The following RASSF3 variants were observed in gnomAD, a reference collection of about 807,000 sequenced individuals.
RASSF3 encodes the protein Ras association domain family member 3.
A neutral mutation model predicts 19.9 loss-of-function variants in RASSF3; 19 were observed. That is an observed-to-expected ratio of 0.96 (90% CI 0.67 to 1.40). RASSF3 has a LOEUF of 1.40. RASSF3 is among the 40% of genes most tolerant of loss of function. The probability of loss-of-function intolerance (pLI) is 0.00; values close to 1 mark genes in which losing one functional copy is unlikely to be tolerated. For missense variants in RASSF3, 306 were observed against 289.8 expected (o/e 1.06, Z -0.41); for synonymous variants, 110 against 104.2 (o/e 1.06, Z -0.34).
At chr12:64,597,465 T>G (rs1376570749) in intron 2 of RASSF3, among the ~76,000 whole-genome samples, 3 of 151,718 alleles carry the variant, frequency 2.0e-5, no homozygotes, top group Admixed American at 6.6e-5. Context: ...TTTATTTTTA[T>G]TTTTATTTTG....
At chr12:64,519,326 G>A (rs933158360) in intron 1 of RASSF3, among the ~76,000 whole-genome samples, 18 of 152,172 alleles carry the variant, frequency 1.2e-4, no homozygotes, top group African/African-American at 4.1e-4. Flanking sequence ...AGAATCTCTT[G>A]AGCACGGTGA....
intron 1 of RASSF3, among the ~76,000 whole-genome samples, chr12:64,535,231 C>A (rs973743306): frequency 6.6e-6 from 1 of 151,978 alleles, no homozygotes; most frequent in Non-Finnish European, 1.5e-5. Context: ...CATTTATGGC[C>A]AAGCACTGTG....
intron 2 of RASSF3, among the ~76,000 whole-genome samples, chr12:64,579,889 A>G (rs1203377458): frequency 4.1e-5 from 6 of 147,440 alleles, no homozygotes; most frequent in Non-Finnish European, 8.9e-5. Flanking sequence ...ATCTTGGCTC[A>G]CTGCAACCTC....
At chr12:64,548,346 T>G (rs1255361898) in intron 2 of RASSF3, among the ~76,000 whole-genome samples, 1 of 151,888 alleles carries the variant, frequency 6.6e-6, no homozygotes, top group Non-Finnish European at 1.5e-5. Flanking sequence ...CTAGTTTTTT[T>G]TATTTTTATT....
At position 64,581,318 on chromosome 12, in the gene RASSF3, A is replaced by G. The variant is rs1869692345; in HGVS notation, c.294+39613A>G. On this transcript the variant is annotated intron_variant, in intron 2 of 5. Transcript: ENST00000637125. ...TCAGAGAAGAATTTATTAGAACTCTACACGTAGCTTATAAGGGACCTAGCT... is the reference window on the plus strand; with the variant it reads ...TCAGAGAAGAATTTATTAGAACTCTGCACGTAGCTTATAAGGGACCTAGCT... 2.6e-5 allele frequency among the ~76,000 whole-genome samples: 4 copies of G among 152,354 alleles called. No individual in the cohort carries two copies. The South Asian group carries it at 8.3e-4, about 32-fold the overall frequency.
chr12:64,624,467 G>T (rs917924444), intron 1 of RASSF3, among the ~76,000 whole-genome samples: 2 of 151,662 alleles, frequency 1.3e-5, no homozygotes, highest in Non-Finnish European at 2.9e-5. Context: ...AAGAGACAGG[G>T]TCTCACTATG....
In RASSF3 at chr12:64,672,794, G is replaced by A. The variant is rs1026279825; in HGVS notation, c.112-11993G>A. ...CGCCTTCCAAAGTGCTGAGATTACA[G>A]GTATGAACCACTATGGCTAGCCTGG... On this transcript the variant is annotated intron_variant, in intron 1 of 4. Transcript: ENST00000542104. Among the ~76,000 whole-genome samples, 5 of 152,178 alleles carry A rather than the reference G, an allele frequency of 3.3e-5. No homozygotes were observed. The South Asian group carries it at 8.3e-4, about 25-fold the overall frequency.
chr12:64,674,021 G>A (rs577790304), intron 1 of RASSF3, among the ~76,000 whole-genome samples: 1 of 152,162 alleles, frequency 6.6e-6, no homozygotes, highest in African/African-American at 2.4e-5. Flanking sequence ...GGTCATGGAA[G>A]GCCCAGATGA....
intron 2 of RASSF3, among the ~76,000 whole-genome samples, chr12:64,589,606 C>CT (rs565645869): frequency 8.1e-4 from 120 of 148,752 alleles, no homozygotes; most frequent in African/African-American, 2.1e-3. Context: ...AAATCAACAA[C>CT]TTTTTTTTTT....
chr12:64,570,618 A>G (rs1869501830), intron 2 of RASSF3, among the ~76,000 whole-genome samples: 1 of 152,196 alleles, frequency 6.6e-6, no homozygotes. Context: ...ATTGAAATAT[A>G]CTTCTATCCA....
intron 1 of RASSF3, among the ~76,000 whole-genome samples, chr12:64,539,961 C>T (rs1223363602): frequency 2.6e-5 from 4 of 152,094 alleles, no homozygotes; most frequent in Admixed American, 6.6e-5. Context: ...ATGTGGGTTT[C>T]AGGCAGTCCC....
intron 2 of RASSF3, among the ~76,000 whole-genome samples, chr12:64,564,531 C>T (rs544662623): frequency 3.4e-4 from 52 of 151,964 alleles, no homozygotes; most frequent in Non-Finnish European, 5.9e-4. Flanking sequence ...TACAGGTATG[C>T]GCCACCATGC....
chr12:64,540,435 C>T (rs186498213), intron 1 of RASSF3, among the ~76,000 whole-genome samples: 91 of 152,268 alleles, frequency 6.0e-4, no homozygotes, highest in African/African-American at 2.1e-3. Flanking sequence ...AGCAATCCTA[C>T]TCCAAGGTAT....
chr12:64,535,995 C>CTTT (rs11312626), intron 1 of RASSF3, among the ~76,000 whole-genome samples: 15 of 104,488 alleles, frequency 1.4e-4, no homozygotes, highest in African/African-American at 3.0e-4. Flanking sequence ...CCTGTTTTCA[C>CTTT]TTTTTTTTTT....
rs147724794 is a variant in RASSF3 at position 64,605,012 on chromosome 12, G to A, written c.294+63307G>A. On this transcript the variant is annotated intron_variant, in intron 2 of 5. Transcript: ENST00000637125. ...TATTTTTATTTTTTTTTTAGGCAGA[G>A]CCTTGCTCTGTTGCCCAGGCTGTAG... Among the ~76,000 whole-genome samples, 1,339 of 150,002 alleles carry A rather than the reference G, an allele frequency of 8.9e-3. 30 individuals carry two copies. Among genetic ancestry groups the A allele is most frequent in the African/African-American group, 0.031 (1,275 of 40,782 alleles).
intron 1 of RASSF3, among the ~76,000 whole-genome samples, chr12:64,641,414 A>ACACACACACACACGCGCGCGCG: frequency 5.0e-4 from 71 of 142,186 alleles, no homozygotes; most frequent in African/African-American, 1.8e-3. Flanking sequence ...ACACACACAC[A>ACACACACACACACGCGCGCGCG]CGCGCGCGCG....
At chr12:64,598,930 T>C (rs992739502) in intron 2 of RASSF3, 4 of 133,474 alleles carry the variant, frequency 3.0e-5, no homozygotes, top group Non-Finnish European at 4.7e-5. Context: ...GATGTTCCTC[T>C]TCCTGGAGAC....
intron 1 of RASSF3, among the ~76,000 whole-genome samples, chr12:64,664,350 T>C (rs2136200991): frequency 6.6e-6 from 1 of 152,342 alleles, no homozygotes; most frequent in South Asian, 2.1e-4. Flanking sequence ...TAAGAAAGCT[T>C]ACCATAAATA....
rs759303542 is a variant in RASSF3, at chr12:64,691,465, C to T, written c.458-5C>T. 2 of 1,599,766 alleles carry T rather than the reference C, an allele frequency of 1.3e-6. No individual in the cohort carries two copies. The highest frequency in any genetic ancestry group is 1.7e-6 in the Non-Finnish European group (2 of 1,167,070). On this transcript the variant is annotated splice_region_variant and splice_polypyrimidine_tract_variant and intron_variant, in intron 3 of 4. Coordinates refer to ENST00000542104, the MANE Select transcript of RASSF3 (RefSeq NM_178169.4). ...CTGTAACATGCTGCTTGTTTCTTTA[C>T]CCAGTCTACGCCTGCAAGCTCTCAG...
Sources: allele counts gnomAD v4.1 joint callset (sites outside exome capture counted in the v4.1 genomes callset), GRCh38; gene constraint gnomAD v4.1.1; transcripts MANE v1.5; gene names NCBI Gene and HGNC (gene_info 2026-07-23, HGNC 2026-07-21).